Variants in TAF12 observed in about 807,000 individuals in gnomAD.
The protein encoded by TAF12 is TATA-box binding protein associated factor 12, also known as transcription initiation factor TFIID subunit 12.
A neutral mutation model predicts 20.8 loss-of-function variants in TAF12; 3 were observed. That is an observed-to-expected ratio of 0.14 (90% CI 0.07 to 0.37). The LOEUF is 0.37. TAF12 is among the 10% of genes least tolerant of loss of function. TAF12 has a pLI of 1.00. For synonymous variants in TAF12, 69 were observed against 70.2 expected (o/e 0.98, Z 0.09); for missense variants, 131 against 197.9 (o/e 0.66, Z 2.03).
At chr1:28,613,191 G>T in intron 4 of TAF12, 56 bp downstream of exon 4, 1 of 1,457,122 alleles carries the variant, frequency 6.9e-7, no homozygotes, top group Non-Finnish European at 9.4e-7. Context: ...CACTTTCCCT[G>T]GCAGTCCTGA....
intron 4 of TAF12, among the ~76,000 whole-genome samples, chr1:28,606,630 G>C (rs1666677453): frequency 2.6e-5 from 4 of 152,168 alleles, no homozygotes; most frequent in Non-Finnish European, 4.4e-5. Flanking sequence ...AGTCAAAGCT[G>C]TGAATGCTGA....
intron 4 of TAF12, among the ~76,000 whole-genome samples, chr1:28,605,930 C>T (rs1317504637): frequency 6.6e-6 from 1 of 152,212 alleles, no homozygotes; most frequent in Non-Finnish European, 1.5e-5. Flanking sequence ...TTGCCAGGTT[C>T]AAGCAATTCT....
At chr1:28,639,725 G>A (rs1225114285) in intron 1 of TAF12, among the ~76,000 whole-genome samples, 2 of 152,142 alleles carry the variant, frequency 1.3e-5, no homozygotes, top group Non-Finnish European at 2.9e-5. Flanking sequence ...CTTGCAAATA[G>A]TACAGGCTAA....
chr1:28,646,919 C>A (rs898522459), upstream of TAF12, among the ~76,000 whole-genome samples: 1 of 152,052 alleles, frequency 6.6e-6, no homozygotes. Flanking sequence ...AGGATGGTCT[C>A]GATCTTCTGA....
chr1:28,620,129 G>GA (rs200204875), intron 2 of TAF12, among the ~76,000 whole-genome samples: 3 of 150,890 alleles, frequency 2.0e-5, no homozygotes, highest in South Asian at 2.1e-4. Context: ...AAGGAAAAAA[G>GA]AAAAAAAATT....
upstream of TAF12, among the ~76,000 whole-genome samples, chr1:28,646,639 TC>T (rs959592455): frequency 1.3e-5 from 2 of 151,854 alleles, no homozygotes; most frequent in African/African-American, 2.4e-5. Context: ...CAAGTGATTC[TC>T]CTGCCTCAGC....
At chr1:28,623,972 T>C (rs760131583) in intron 1 of TAF12, 13 of 985,704 alleles carry the variant, frequency 1.3e-5, no homozygotes, top group Non-Finnish European at 1.6e-5. Context: ...AGATCTTTAA[T>C]TACATCAGCA....
chr1:28,608,196 A>AAAT (rs1666732477), intron 4 of TAF12, among the ~76,000 whole-genome samples: 1 of 148,860 alleles, frequency 6.7e-6, no homozygotes. Flanking sequence ...AAAAAAAAAA[A>AAAT]TAGCCGGGTG....
chr1:28,638,275 C>T (rs1268736578), intron 1 of TAF12, among the ~76,000 whole-genome samples: 8 of 151,522 alleles, frequency 5.3e-5, no homozygotes, highest in African/African-American at 1.2e-4. Context: ...CCACAACCTC[C>T]GCCTCTCAGG....
At chr1:28,608,826 A>G (rs1666760150) in intron 4 of TAF12, among the ~76,000 whole-genome samples, 1 of 151,906 alleles carries the variant, frequency 6.6e-6, no homozygotes, top group Non-Finnish European at 1.5e-5. Flanking sequence ...ACGTAATCCC[A>G]GTTACTCCGA....
chr1:28,635,991 T>C (rs1351470676), intron 1 of TAF12, among the ~76,000 whole-genome samples: 1 of 152,166 alleles, frequency 6.6e-6, no homozygotes, highest in Non-Finnish European at 1.5e-5. Flanking sequence ...GGTGCATGAC[T>C]TCACTTAATG....
chr1:28,624,936 T>C (rs1667334165), intron 1 of TAF12, among the ~76,000 whole-genome samples: 1 of 152,164 alleles, frequency 6.6e-6, no homozygotes, highest in Admixed American at 6.6e-5. Context: ...TTTAACCATA[T>C]GTGGCCTCCT....
At chr1:28,616,869 C>T (rs1667059218) in intron 3 of TAF12, among the ~76,000 whole-genome samples, 1 of 152,082 alleles carries the variant, frequency 6.6e-6, no homozygotes. Flanking sequence ...CCTGTAATCC[C>T]AGAACTTTGG....
At chr1:28,630,028 C>T (rs1043104496) in intron 1 of TAF12, among the ~76,000 whole-genome samples, 1 of 152,162 alleles carries the variant, frequency 6.6e-6, no homozygotes, top group African/African-American at 2.4e-5. Flanking sequence ...CAGCCTCAAC[C>T]AGCTGGACTC....
chr1:28,623,036 CA>C (rs530309386), intron 1 of TAF12, among the ~76,000 whole-genome samples: 26 of 130,900 alleles, frequency 2.0e-4, no homozygotes, highest in Admixed American at 3.1e-4. Context: ...CACCGCCCCA[CA>C]AAAAAAAAAA....
At chr1:28,604,233 C>G (rs1349433588) in intron 5 of TAF12, among the ~76,000 whole-genome samples, 1 of 152,078 alleles carries the variant, frequency 6.6e-6, no homozygotes, top group Non-Finnish European at 1.5e-5. Flanking sequence ...GTCCCCTGAC[C>G]CCAATCTTTT....
chr1:28,641,772 C>CGA (rs1668042634), intron 1 of TAF12, among the ~76,000 whole-genome samples: 1 of 126,812 alleles, frequency 7.9e-6, no homozygotes, highest in South Asian at 2.4e-4. Flanking sequence ...TCAGACTGGG[C>CGA]GACAGAGAGA....
chr1:28,618,169 C>T, intron 2 of TAF12, 139 bp from the exon 3 acceptor site: 1 of 710,056 alleles, frequency 1.4e-6, no homozygotes, highest in Non-Finnish European at 2.3e-6. Context: ...GCCTACCTGA[C>T]TATGCTGCTG....
chr1:28,605,711 G>T (rs1666643675), intron 4 of TAF12, among the ~76,000 whole-genome samples: 1 of 152,046 alleles, frequency 6.6e-6, no homozygotes, highest in South Asian at 2.1e-4. Flanking sequence ...CTACAGCCTT[G>T]ACTACCCCAG....
Sources: allele counts gnomAD v4.1 joint callset (sites outside exome capture counted in the v4.1 genomes callset), GRCh38; gene constraint gnomAD v4.1.1; transcripts MANE v1.5; gene names NCBI Gene and HGNC (gene_info 2026-07-23, HGNC 2026-07-21).